CTNNA3: variants seen among roughly 807,000 people sequenced by gnomAD.
The protein encoded by CTNNA3 is catenin alpha 3.
Under a neutral mutation model 95.7 loss-of-function variants are expected in CTNNA3, and 76 were observed. The ratio of observed to expected loss-of-function variants is 0.79; its 90% CI spans 0.66 to 0.96. CTNNA3 has a LOEUF of 0.96. Ranked by LOEUF, CTNNA3 falls within the 40% of genes least tolerant of loss-of-function variation. The pLI, the probability that CTNNA3 is intolerant of heterozygous loss-of-function variation, is 0.00. For missense variants in CTNNA3, 1,191 were observed against 1,089.8 expected (o/e 1.09, Z -1.31); for synonymous variants, 431 against 374.4 (o/e 1.15, Z -1.74).
chr10:66,389,964 C>T (rs887512328), intron 11 of CTNNA3, among the ~76,000 whole-genome samples: 4 of 152,070 alleles, frequency 2.6e-5, no homozygotes, highest in Non-Finnish European at 5.9e-5. Flanking sequence ...TCGACCTCCT[C>T]GCCTCAAGCG....
At chr10:66,438,456 G>A (rs747452591) in intron 11 of CTNNA3, among the ~76,000 whole-genome samples, 1 of 152,174 alleles carries the variant, frequency 6.6e-6, no homozygotes, top group Non-Finnish European at 1.5e-5. Context: ...ACTTTGGTGG[G>A]CCCCACCCAG....
At chr10:67,481,909 G>A (rs1288858442) in intron 5 of CTNNA3, among the ~76,000 whole-genome samples, 4 of 151,784 alleles carry the variant, frequency 2.6e-5, no homozygotes, top group East Asian at 3.9e-4. Flanking sequence ...TTAATCCATC[G>A]TGAATTGATT....
chr10:67,681,117 G>T (rs1024962590), intron 1 of CTNNA3, among the ~76,000 whole-genome samples: 1 of 152,192 alleles, frequency 6.6e-6, no homozygotes, highest in Admixed American at 6.5e-5. Flanking sequence ...GAACATTACA[G>T]AAGTGTTAAT....
intron 2 of CTNNA3, among the ~76,000 whole-genome samples, chr10:67,619,376 T>G (rs138139262): frequency 9.2e-5 from 14 of 152,272 alleles, no homozygotes; most frequent in Non-Finnish European, 2.9e-5. Context: ...AAAGGACAAT[T>G]TCTTCAATAA....
intron 11 of CTNNA3, among the ~76,000 whole-genome samples, chr10:66,452,146 C>T (rs1188857298): frequency 6.6e-6 from 1 of 152,110 alleles, no homozygotes. Context: ...TACATTTCTT[C>T]TATATTTTTA....
chr10:66,140,453 T>A (rs2083556714), intron 13 of CTNNA3, among the ~76,000 whole-genome samples: 1 of 152,192 alleles, frequency 6.6e-6, no homozygotes, highest in South Asian at 2.1e-4. Flanking sequence ...TCCTGACATT[T>A]TATAATACAA....
chr10:66,936,464 TTTTG>T (rs763241615), intron 7 of CTNNA3, among the ~76,000 whole-genome samples: 6 of 152,132 alleles, frequency 3.9e-5, no homozygotes, highest in Non-Finnish European at 8.8e-5. Flanking sequence ...CCTGGTGTTT[TTTTG>T]TTTGTTTGTT....
chr10:67,413,201 T>C (rs1310267077), intron 5 of CTNNA3, among the ~76,000 whole-genome samples: 1 of 152,126 alleles, frequency 6.6e-6, no homozygotes, highest in African/African-American at 2.4e-5. Flanking sequence ...CCATTCCTCA[T>C]CATTCATTCA....
chr10:66,974,478 G>A (rs1323381901), intron 7 of CTNNA3, among the ~76,000 whole-genome samples: 2 of 152,102 alleles, frequency 1.3e-5, no homozygotes, highest in African/African-American at 4.8e-5. Context: ...TTATATACAA[G>A]TCATTCGCCA....
At chr10:66,411,905 C>T (rs1453969955) in intron 11 of CTNNA3, among the ~76,000 whole-genome samples, 1 of 152,118 alleles carries the variant, frequency 6.6e-6, no homozygotes, top group African/African-American at 2.4e-5. Context: ...ACTGAGCCCT[C>T]AAATGACATT....
chr10:67,577,659 C>T (rs1455143134), intron 3 of CTNNA3, among the ~76,000 whole-genome samples: 2 of 150,702 alleles, frequency 1.3e-5, no homozygotes, highest in African/African-American at 4.9e-5. Flanking sequence ...TATATATATA[C>T]ACACATATGT....
At chr10:67,157,100 A>G (rs953699351) in intron 7 of CTNNA3, among the ~76,000 whole-genome samples, 6 of 152,196 alleles carry the variant, frequency 3.9e-5, no homozygotes, top group African/African-American at 1.4e-4. Flanking sequence ...TCCTAGTTAG[A>G]GCAATTAGGC....
chr10:66,560,919 C>G (rs1462096908), intron 10 of CTNNA3, among the ~76,000 whole-genome samples: 1 of 151,914 alleles, frequency 6.6e-6, no homozygotes, highest in East Asian at 1.9e-4. Context: ...CATTTGTAAA[C>G]CAGTAAGTGG....
intron 7 of CTNNA3, among the ~76,000 whole-genome samples, chr10:67,111,165 A>G (rs1348946688): frequency 6.6e-6 from 1 of 152,194 alleles, no homozygotes; most frequent in Non-Finnish European, 1.5e-5. Flanking sequence ...AGCATATGAC[A>G]TACACATATG....
Position 67,595,278 on chromosome 10 carries a change from T to C in CTNNA3, c.292+11579A>G, listed in dbSNP as rs548205441. Among the ~76,000 whole-genome samples the C allele has an allele frequency of 2.6e-5, 4 of 152,350 alleles. No homozygotes were observed. In the East Asian group the frequency reaches 7.7e-4, roughly 29 times the overall value. On this transcript the variant is annotated intron_variant, in intron 3 of 17. Transcript: ENST00000433211. ...TTTTTGATGTGGGCATTTGGTGCTATAAACTTTCCTCTTAACACTGCTTTA... is the reference window on the plus strand; with the variant it reads ...TTTTTGATGTGGGCATTTGGTGCTACAAACTTTCCTCTTAACACTGCTTTA...
intron 7 of CTNNA3, among the ~76,000 whole-genome samples, chr10:66,844,143 A>C (rs1367638682): frequency 1.3e-5 from 2 of 152,236 alleles, no homozygotes; most frequent in East Asian, 3.8e-4. Flanking sequence ...TTTCTTCTAA[A>C]TAAGAATTTA....
chr10:66,948,041 T>C (rs1335974941), intron 7 of CTNNA3, among the ~76,000 whole-genome samples: 1 of 152,220 alleles, frequency 6.6e-6, no homozygotes, highest in Non-Finnish European at 1.5e-5. Context: ...CACAATGGTA[T>C]TTGTGTAGCT....
chr10:66,803,505 GAGAGTTTATTTGC>G (rs1297115191), intron 7 of CTNNA3, among the ~76,000 whole-genome samples: 1 of 151,972 alleles, frequency 6.6e-6, no homozygotes, highest in Non-Finnish European at 1.5e-5. Flanking sequence ...TGTATATTTT[GAGAGTTTATTTGC>G]ATGTCTCTCA....
At chr10:65,977,042 A>G (rs1159665881) in intron 16 of CTNNA3, among the ~76,000 whole-genome samples, 2 of 152,200 alleles carry the variant, frequency 1.3e-5, no homozygotes, top group African/African-American at 4.8e-5. Flanking sequence ...TTAAATTTTT[A>G]CGTGAAAGTG....
Sources: gnomAD v4.1 joint callset for allele counts (sites outside exome capture counted in the v4.1 genomes callset) on GRCh38, gnomAD v4.1.1 for gene constraint, MANE v1.5 for transcripts, NCBI Gene and HGNC (gene_info 2026-07-23, HGNC 2026-07-21) for gene names.